Variants in RNF32 observed in about 807,000 individuals in gnomAD.
RNF32 encodes the protein ring finger protein 32.
Under a neutral mutation model 41.0 loss-of-function variants are expected in RNF32, and 36 were observed. The ratio of observed to expected loss-of-function variants is 0.88; its 90% CI spans 0.67 to 1.16. RNF32 has a LOEUF of 1.16. Among genes scored for constraint, RNF32 ranks in the 50% most tolerant of loss-of-function variants. The pLI is 0.00. For missense variants in RNF32, 413 were observed against 436.7 expected, an observed-to-expected ratio of 0.95 and a Z score of 0.48; for synonymous variants, 154 against 160.9, an observed-to-expected ratio of 0.96 and a Z score of 0.32.
chr7:156,668,659 C>G (rs1801771195), intron 7 of RNF32, among the ~76,000 whole-genome samples: 1 of 152,230 alleles, frequency 6.6e-6, no homozygotes, highest in Admixed American at 6.5e-5. Context: ...CTCCCGGAGT[C>G]CAGTGCCACA....
chr7:156,647,410 C>T (rs1320724792), intron 3 of RNF32, among the ~76,000 whole-genome samples: 1 of 151,896 alleles, frequency 6.6e-6, no homozygotes, highest in South Asian at 2.1e-4. Flanking sequence ...TTTGCATACT[C>T]GTATCTTAGC....
chr7:156,661,618 G>A (rs921116941), intron 7 of RNF32, among the ~76,000 whole-genome samples: 1 of 152,180 alleles, frequency 6.6e-6, no homozygotes, highest in African/African-American at 2.4e-5. Flanking sequence ...ACCATGGCCT[G>A]GCCAGGATTT....
chr7:156,641,074 T>C (rs1205852862), intron 1 of RNF32: 1 of 152,418 alleles, frequency 6.6e-6, no homozygotes, highest in African/African-American at 2.4e-5. Flanking sequence ...AGAACAGTGA[T>C]CCCACGTCGG....
chr7:156,650,333 A>G (rs781538121), intron 3 of RNF32, among the ~76,000 whole-genome samples: 25 of 152,286 alleles, frequency 1.6e-4, no homozygotes, highest in Middle Eastern at 6.8e-3. Context: ...GCTTCACCTG[A>G]GACGGTCACA....
chr7:156,669,670 A>G lies in RNF32; in HGVS notation c.685-6026A>G, dbSNP rs7776665. Among the ~76,000 whole-genome samples, 4,689 of 152,256 alleles carry G rather than the reference A, an allele frequency of 0.031. 232 individuals are homozygous for G. The highest frequency in any genetic ancestry group is 0.11 in the African/African-American group (4,456 of 41,528). Reference sequence around the variant, plus strand: ...GGAAACTGCCCTCAGAGCCCCGGGGATGCGAGGTCAGCAGCTGGGACCCAG... The same window carrying G: ...GGAAACTGCCCTCAGAGCCCCGGGGGTGCGAGGTCAGCAGCTGGGACCCAG... On this transcript the variant is annotated intron_variant, in intron 7 of 8. Transcript: ENST00000317955. The surrounding 1 kb of genome is among the most constrained non-coding windows in gnomAD (Gnocchi z 4.2).
At chr7:156,645,172 G>A (rs757101476) in intron 3 of RNF32, among the ~76,000 whole-genome samples, 1 of 152,108 alleles carries the variant, frequency 6.6e-6, no homozygotes, top group African/African-American at 2.4e-5. Flanking sequence ...AAAAATTTAC[G>A]TACAGACACA....
intron 5 of RNF32, 132 bp downstream of exon 5, chr7:156,657,705 A>T: frequency 1.2e-6 from 1 of 858,724 alleles, no homozygotes; most frequent in Non-Finnish European, 2.0e-6. Flanking sequence ...TAGTTAAAGA[A>T]ACATGACTGT....
At chr7:156,662,287 G>A (rs887316409) in intron 7 of RNF32, among the ~76,000 whole-genome samples, 4 of 152,098 alleles carry the variant, frequency 2.6e-5, no homozygotes, top group African/African-American at 7.2e-5. Flanking sequence ...TTCTGTGAGC[G>A]ATGGGAATCC....
rs1017349362 is a variant in RNF32, at chr7:156,675,935, G to A, written c.852+72G>A. The A allele has an allele frequency of 3.4e-6, 5 of 1,469,362 alleles. No homozygotes were observed. In the Admixed American group the frequency reaches 5.2e-5, roughly 15 times the overall value. The allele number at this position is 1,469,362 out of a possible 1,614,324, so 91.0% of individuals were successfully genotyped here. ...GCAGAGGCTGTGGGGAGTGGCATGT[G>A]GGGGGAGGTCGAGGACTCACTTTGG... On this transcript the variant is annotated intron_variant, in intron 8 of 8. Coordinates refer to ENST00000317955, the MANE Select transcript of RNF32 (RefSeq NM_030936.4).
chr7:156,649,234 C>T (rs188440770), intron 3 of RNF32, among the ~76,000 whole-genome samples: 8 of 151,266 alleles, frequency 5.3e-5, no homozygotes, highest in African/African-American at 7.3e-5. Context: ...ATTTATAGAT[C>T]GGGGAAATAC....
intron 8 of RNF32, 142 bp downstream of exon 8, chr7:156,676,005 G>A: frequency 1.1e-6 from 1 of 907,144 alleles, no homozygotes; most frequent in East Asian, 2.6e-5. Flanking sequence ...TGGAGGCTGT[G>A]GGGGTGGCAT....
chr7:156,674,740 T>A (rs943950584), intron 7 of RNF32, among the ~76,000 whole-genome samples: 2 of 152,240 alleles, frequency 1.3e-5, no homozygotes, highest in African/African-American at 2.4e-5. Flanking sequence ...GTTGAAGTGA[T>A]AATATTTTGG....
At chr7:156,640,511 T>G (rs1344989307), upstream of RNF32, 5 of 357,236 alleles carry the variant, frequency 1.4e-5, no homozygotes, top group South Asian at 1.0e-4. Flanking sequence ...AAACGCCCGC[T>G]GCGCGAGCCT....
Position 156,676,241 on chromosome 7 carries a change from GTGTGTATATATA to G in RNF32, c.853-176_853-165del, listed in dbSNP as rs1803976450. 5 of 1,492,848 alleles carry G rather than the reference GTGTGTATATATA, an allele frequency of 3.3e-6. No individual in the cohort carries two copies. The Admixed American group carries it at 1.1e-4, about 32-fold the overall frequency. 92.5% of individuals were successfully genotyped at this position (1,492,848 alleles called of 1,614,324 possible). The stretch of plus-strand genomic sequence containing the variant: ...TTCCCAGGAGTAACAGAGTATATGT[GTGTGTATATATA>G]TATGTATATATATAAATAAAATGCA... On this transcript the variant is annotated intron_variant, in intron 8 of 8. Coordinates refer to ENST00000317955, the MANE Select transcript of RNF32 (RefSeq NM_030936.4).
In RNF32 at chr7:156,658,483, ATG is replaced by A. The variant is rs1421569093; in HGVS notation, c.601_602del (p.Val201CysfsTer2). The part of the protein sequence containing the change: ...VTRIQAYWRG[C>X]VVRKWYRNLR... ...TTAGAATCCAAGCCTACTGGAGAGGATGTGTTGTTAGAAAGTGGTACAGAAAC... is the reference window on the plus strand; with the variant it reads ...TTAGAATCCAAGCCTACTGGAGAGGATGTTGTTAGAAAGTGGTACAGAAAC... On this transcript the variant is annotated frameshift_variant, in exon 7 of 9. Transcript: ENST00000317955. LOFTEE classifies it high-confidence loss of function. The A allele has an allele frequency of 1.9e-6, 3 of 1,612,996 alleles. No individual in the cohort carries two copies. Among genetic ancestry groups the A allele is most frequent in the African/African-American group, 2.7e-5 (2 of 74,892 alleles).
chr7:156,649,999 C>T (rs1391065158), intron 3 of RNF32, among the ~76,000 whole-genome samples: 1 of 148,784 alleles, frequency 6.7e-6, no homozygotes, highest in Non-Finnish European at 1.5e-5. Flanking sequence ...TGGGGAAACT[C>T]ACTTGTAAAA....
At chr7:156,668,671 C>T (rs1801773967) in intron 7 of RNF32, among the ~76,000 whole-genome samples, 1 of 152,240 alleles carries the variant, frequency 6.6e-6, no homozygotes, top group Non-Finnish European at 1.5e-5. Context: ...AGTGCCACAG[C>T]AGCACGCTTT....
chr7:156,655,331 A>G (rs746887085), intron 4 of RNF32, among the ~76,000 whole-genome samples: 7 of 152,032 alleles, frequency 4.6e-5, no homozygotes, highest in Non-Finnish European at 8.8e-5. Flanking sequence ...GGTTTTTTCT[A>G]TACATATTTT....
At chr7:156,659,047 T>C (rs1800189761) in intron 7 of RNF32, 1 of 1,405,748 alleles carries the variant, frequency 7.1e-7, no homozygotes, top group African/African-American at 1.5e-5. Flanking sequence ...AACTTCCATG[T>C]CTACCCTTCC....
Sources: allele counts gnomAD v4.1 joint callset (sites outside exome capture counted in the v4.1 genomes callset), GRCh38; gene constraint gnomAD v4.1.1; non-coding constraint Gnocchi (gnomAD v3.1); transcripts MANE v1.5; gene names NCBI Gene and HGNC (gene_info 2026-07-23, HGNC 2026-07-21).